Variants in DNMT3B observed in about 807,000 individuals in gnomAD.
The protein encoded by DNMT3B is DNA methyltransferase 3 beta, also known as DNA (cytosine-5)-methyltransferase 3B.
In DNMT3B, 37 loss-of-function variants were observed where a neutral mutation model predicts 120.2. The ratio of observed to expected loss-of-function variants is 0.31; its 90% CI spans 0.24 to 0.40. The LOEUF (loss-of-function observed/expected upper bound fraction) is 0.40, where lower values mean the gene tolerates loss of function less well. Ranked by LOEUF, DNMT3B falls within the 10% of genes least tolerant of loss-of-function variation. The pLI is 1.00. For synonymous variants in DNMT3B, 412 were observed against 442.8 expected, an observed-to-expected ratio of 0.93 and a Z score of 0.87; for missense variants, 878 against 1,137.3, an observed-to-expected ratio of 0.77 and a Z score of 3.28.
At chr20:32,800,759 G>A (rs976620406) in intron 17 of DNMT3B, 76 bp from the exon 18 acceptor site, 31 of 1,516,654 alleles carry the variant, frequency 2.0e-5, no homozygotes, top group South Asian at 1.3e-4. Context: ...CCAGCCCCAC[G>A]CAAGATTCTA....
At chr20:32,764,826 G>A (rs981713237) in intron 1 of DNMT3B, among the ~76,000 whole-genome samples, 5 of 152,168 alleles carry the variant, frequency 3.3e-5, no homozygotes, top group Admixed American at 1.3e-4. Flanking sequence ...AGGGGAAGAC[G>A]GTAGCTGGGA....
At position 32,806,227 on chromosome 20, in the gene DNMT3B, A is replaced by G. The variant is rs1165707563; in HGVS notation, c.2320A>G (p.Ile774Val). Residue 774 changes from isoleucine (I) to valine (V), a missense_variant, in exon 22 of 23, where the codon ATA becomes GTA. This residue lies in a region of DNMT3B where 334 missense variants were observed against 518.8 expected (regional missense o/e 0.64). Coordinates refer to ENST00000328111, the MANE Select transcript of DNMT3B (RefSeq NM_006892.4). ...TCTCCAGTTAAAGAAAGTACAGACA[A>G]TAACCACCAAGTCGAACTCGATCAA... ...RIAKLKKVQT[I>V]TTKSNSIKQG... 6 of 1,614,088 alleles carry G rather than the reference A, an allele frequency of 3.7e-6. No homozygotes were observed. The highest frequency in any genetic ancestry group is 5.1e-6 in the Non-Finnish European group (6 of 1,180,048).
At chr20:32,784,694 C>T (rs949142996) in intron 3 of DNMT3B, 64 bp from the exon 4 acceptor site, 16 of 1,577,022 alleles carry the variant, frequency 1.0e-5, no homozygotes, top group Non-Finnish European at 1.3e-5. Flanking sequence ...TTGCAGGTGC[C>T]TTGTTTCTTT....
chr20:32,772,465 C>A (rs1245197485), intron 1 of DNMT3B, among the ~76,000 whole-genome samples: 1 of 152,152 alleles, frequency 6.6e-6, no homozygotes, highest in Non-Finnish European at 1.5e-5. Flanking sequence ...ACCTCCTTTG[C>A]CCCCTTGGGA....
rs2145951743 is a variant in DNMT3B, at chr20:32,787,603, CA to C, written c.654+153del. ...ACATGTTTGAATTCTAAGTATCTTC[CA>C]TATGCACCACGGACCTTTCTTTACC... On this transcript the variant is annotated intron_variant, in intron 6 of 22. Transcript: ENST00000328111. 4.4e-6 allele frequency: 4 copies of C among 918,512 alleles called. No homozygotes were observed. In the South Asian group the frequency reaches 4.4e-5, roughly 10 times the overall value. The allele number at this position is 918,512 out of a possible 1,614,324, so 56.9% of individuals were successfully genotyped here.
rs1165250227 is a variant in DNMT3B at position 32,800,213 on chromosome 20, G to A, written c.1820G>A (p.Cys607Tyr). Reference sequence around the variant, plus strand: ...GGAAAGTACGTCGCTTCTGAAGTGTGTGAGGAGTCCATTGCTGTTGGAACC... The same window carrying A: ...GGAAAGTACGTCGCTTCTGAAGTGTATGAGGAGTCCATTGCTGTTGGAACC... ...KVGKYVASEV[C>Y]EESIAVGTVK... The change falls in exon 17 of 23, where the codon TGT becomes TAT. Residue 607 changes from cysteine to tyrosine, a missense_variant. Physicochemically the swap from Cys to Tyr is radical, Grantham distance 194. Transcript: ENST00000328111. 1 of 1,614,242 alleles carries A rather than the reference G, an allele frequency of 6.2e-7. No homozygotes were observed. The highest frequency in any genetic ancestry group is 1.7e-5 in the Admixed American group (1 of 60,026).
intron 10 of DNMT3B, among the ~76,000 whole-genome samples, chr20:32,795,045 A>C (rs1196153308): frequency 6.6e-6 from 1 of 152,178 alleles, no homozygotes; most frequent in Non-Finnish European, 1.5e-5. Flanking sequence ...CATTTCCTCA[A>C]CAGTTTCAAG....
In DNMT3B at chr20:32,798,505, A is replaced by G; in HGVS notation, c.1536A>G (p.Thr512=). 6.2e-7 allele frequency: 1 copy of G among 1,614,228 alleles called. No individual in the cohort carries two copies. The highest frequency in any genetic ancestry group is 8.5e-7 in the Non-Finnish European group (1 of 1,180,036). ...ECLEVLVGTG[T]AAEAKLQEPW... Reference sequence around the variant, plus strand: ...TGGAGGTGCTGGTGGGCACAGGCACAGCGGCCGAGGCCAAGCTTCAGGAGC... The same window carrying G: ...TGGAGGTGCTGGTGGGCACAGGCACGGCGGCCGAGGCCAAGCTTCAGGAGC... Residue 512 remains threonine, a synonymous_variant, in exon 15 of 23, where the codon ACA becomes ACG. Transcript: ENST00000328111.
chr20:32,792,817 A>T (rs1980139966), intron 9 of DNMT3B, 47 bp downstream of exon 9: 1 of 1,612,382 alleles, frequency 6.2e-7, no homozygotes, highest in Non-Finnish European at 8.5e-7. Context: ...TGCTGGTGGG[A>T]CCACTTCTTG....
chr20:32,787,205 A>G, intron 5 of DNMT3B, 25 bp from the exon 6 acceptor site: 1 of 1,614,182 alleles, frequency 6.2e-7, no homozygotes, highest in South Asian at 1.1e-5. Flanking sequence ...GCTCTGGCCC[A>G]AACTATGTGT....
chr20:32,784,742 A>ATCATCT lies in DNMT3B; in HGVS notation c.205-15_205-14insCATCTT. ...CCCTGGGGTCTTCATCATGTTCATC[A>ATCATCT]TGTTTCCTTATAAAGGACTTGACAG... On this transcript the variant is annotated splice_polypyrimidine_tract_variant and intron_variant, in intron 3 of 22. Coordinates refer to ENST00000328111, the MANE Select transcript of DNMT3B (RefSeq NM_006892.4). 6.2e-7 allele frequency: 1 copy of ATCATCT among 1,613,854 alleles called. No individual in the cohort carries two copies. Among genetic ancestry groups the ATCATCT allele is most frequent in the South Asian group, 1.1e-5 (1 of 91,062 alleles).
intron 3 of DNMT3B, among the ~76,000 whole-genome samples, chr20:32,784,174 C>T (rs542585997): frequency 1.3e-5 from 2 of 152,236 alleles, no homozygotes; most frequent in South Asian, 4.1e-4. Flanking sequence ...GCGTCGGCCT[C>T]CCAAAGTGTT....
At position 32,809,275 on chromosome 20, in the gene DNMT3B, A is replaced by G. The variant is rs1415564962; in HGVS notation, c.*1372A>G. The stretch of plus-strand genomic sequence containing the variant: ...GGGGAAAAAACTGTGCCTTGTTTCA[A>G]CAGTTTTTGCTAATTTTTAGGCTGA... On this transcript the variant is annotated 3_prime_UTR_variant, in exon 23 of 23. Transcript: ENST00000328111. The G allele has an allele frequency of 9.2e-6, 2 of 217,982 alleles. No individual in the cohort carries two copies. The highest frequency in any genetic ancestry group is 4.5e-5 in the African/African-American group (2 of 44,484). The allele number at this position is 217,982 out of a possible 1,614,324, so 13.5% of individuals were successfully genotyped here.
rs752491436 is a variant in DNMT3B at position 32,808,210 on chromosome 20, TGG to T, written c.*309_*310del. 53 of 441,798 alleles carry T rather than the reference TGG, an allele frequency of 1.2e-4. No individual in the cohort carries two copies. Among genetic ancestry groups the T allele is most frequent in the Non-Finnish European group, 2.1e-4 (49 of 238,984 alleles). 27.4% of individuals were successfully genotyped at this position (441,798 alleles called of 1,614,324 possible). Reference sequence around the variant, plus strand: ...ACGTGGCTTTTTTTTTTTCCCTTCCTGGGTCTACCACTCAGAGAAACAATGGC... The same window carrying T: ...ACGTGGCTTTTTTTTTTTCCCTTCCTGTCTACCACTCAGAGAAACAATGGC... On this transcript the variant is annotated 3_prime_UTR_variant, in exon 23 of 23. Transcript: ENST00000328111.
At chr20:32,766,872 C>T (rs574257051) in intron 1 of DNMT3B, among the ~76,000 whole-genome samples, 62 of 151,204 alleles carry the variant, frequency 4.1e-4, no homozygotes, top group Non-Finnish European at 5.1e-4. Context: ...GCCAACACAC[C>T]CAAATTCAAT....
intron 3 of DNMT3B, 140 bp from the exon 4 acceptor site, chr20:32,784,618 C>T: frequency 2.3e-6 from 2 of 866,296 alleles, no homozygotes; most frequent in Non-Finnish European, 3.8e-6. Context: ...TGTCTGCACC[C>T]ATATGCAGTG....
Position 32,805,358 on chromosome 20 carries a change from A to C in DNMT3B, c.2252A>C (p.Asn751Thr). 1.2e-6 allele frequency: 2 copies of C among 1,614,212 alleles called. No homozygotes were observed. The highest frequency in any genetic ancestry group is 1.7e-6 in the Non-Finnish European group (2 of 1,180,028). The change falls in exon 21 of 23, where the codon AAT becomes ACT. Residue 751 changes from asparagine to threonine, a missense_variant. By Grantham distance (65) the Asn-to-Thr change is moderately conservative. Coordinates refer to ENST00000328111, the MANE Select transcript of DNMT3B (RefSeq NM_006892.4). Reference sequence around the variant, plus strand: ...CCCAGGCCCGTGATAGCATCAAAGAATGATAAACTCGAGCTGCAGGACTGC... The same window carrying C: ...CCCAGGCCCGTGATAGCATCAAAGACTGATAAACTCGAGCTGCAGGACTGC... The part of the protein sequence containing the change: ...GMNRPVIASK[N>T]DKLELQDCLE...
At chr20:32,799,012 CTG>C (rs1447081028) in intron 15 of DNMT3B, among the ~76,000 whole-genome samples, 2 of 152,228 alleles carry the variant, frequency 1.3e-5, no homozygotes, top group East Asian at 3.8e-4. Flanking sequence ...ATGTGTGCCT[CTG>C]TGCATACATA....
At position 32,762,685 on chromosome 20, in the gene DNMT3B, C is replaced by A; in HGVS notation, c.-21C>A. On this transcript the variant is annotated 5_prime_UTR_variant, in exon 1 of 23. Transcript: ENST00000328111. ...GCTCCGCCGCCCAGCCGCGCCCCAG[C>A]CAGCCCTGCGGCAGGTGAGCGCCCC... 5.2e-6 allele frequency: 1 copy of A among 193,834 alleles called. No individual in the cohort carries two copies. The highest frequency in any genetic ancestry group is 1.0e-5 in the Non-Finnish European group (1 of 97,764). 12.0% of individuals were successfully genotyped at this position (193,834 alleles called of 1,614,324 possible). A position where few individuals can be genotyped will look rare whatever the true frequency, so the allele number is the denominator to read the frequency against.
Sources: allele counts gnomAD v4.1 joint callset (sites outside exome capture counted in the v4.1 genomes callset), GRCh38; gene constraint gnomAD v4.1.1; regional missense constraint gnomAD v4.1.1; transcripts MANE v1.5; gene names NCBI Gene and HGNC (gene_info 2026-07-23, HGNC 2026-07-21).